MYO3A: variants seen among roughly 807,000 people sequenced by gnomAD.
The protein encoded by MYO3A is myosin IIIA, also known as myosin-IIIa.
Under a neutral mutation model 192.7 loss-of-function variants are expected in MYO3A, and 180 were observed. The ratio of observed to expected loss-of-function variants is 0.93; its 90% CI spans 0.83 to 1.06. The LOEUF (loss-of-function observed/expected upper bound fraction) is 1.06. Among genes scored for constraint, MYO3A ranks in the 50% least tolerant of loss-of-function variants. The probability of loss-of-function intolerance (pLI) is 0.00; values close to 1 mark genes in which losing one functional copy is unlikely to be tolerated. For missense variants in MYO3A, 1,896 were observed against 1,905.0 expected (o/e 1.00, Z 0.09); for synonymous variants, 628 against 645.3 (o/e 0.97, Z 0.41).
At chr10:26,148,822 T>C (rs909346793) in intron 23 of MYO3A, among the ~76,000 whole-genome samples, 3 of 152,200 alleles carry the variant, frequency 2.0e-5, no homozygotes, top group Non-Finnish European at 4.4e-5. Context: ...TTTTTGTATA[T>C]TGATTTTTTG....
intron 10 of MYO3A, among the ~76,000 whole-genome samples, chr10:26,029,573 A>G (rs1224502635): frequency 6.6e-6 from 1 of 152,196 alleles, no homozygotes; most frequent in Non-Finnish European, 1.5e-5. Flanking sequence ...GATATCTATT[A>G]TACATCAACA....
Position 26,212,000 on chromosome 10 carries a change from T to A in MYO3A, c.*37T>A, listed in dbSNP as rs1259656194. 1.2e-6 allele frequency: 2 copies of A among 1,603,266 alleles called. No individual in the cohort carries two copies. The highest frequency in any genetic ancestry group is 1.7e-6 in the Non-Finnish European group (2 of 1,172,500). On this transcript the variant is annotated 3_prime_UTR_variant, in exon 35 of 35. Transcript: ENST00000642920. ...GGCAGTCACCGCCGTCGGAAGGCGC[T>A]GGAGCCTGCGGGGCAGCAGGGGCCA...
At chr10:26,129,997 T>A (rs1303975058) in intron 20 of MYO3A, among the ~76,000 whole-genome samples, 1 of 152,206 alleles carries the variant, frequency 6.6e-6, no homozygotes, top group Non-Finnish European at 1.5e-5. Flanking sequence ...CATTGGTAGA[T>A]CTCTGTTGTT....
At chr10:26,072,383 T>C (rs1237910255) in intron 14 of MYO3A, among the ~76,000 whole-genome samples, 3 of 152,164 alleles carry the variant, frequency 2.0e-5, no homozygotes, top group Non-Finnish European at 4.4e-5. Context: ...GCCAAAGAAC[T>C]AGGCTTTAAT....
intron 4 of MYO3A, among the ~76,000 whole-genome samples, chr10:25,970,608 G>T (rs917469015): frequency 6.6e-6 from 1 of 151,694 alleles, no homozygotes; most frequent in Non-Finnish European, 1.5e-5. Context: ...AATCACTTTA[G>T]TAAAAAATAA....
At chr10:26,110,696 G>A (rs1838111130) in intron 17 of MYO3A, among the ~76,000 whole-genome samples, 2 of 152,138 alleles carry the variant, frequency 1.3e-5, no homozygotes, top group African/African-American at 4.8e-5. Context: ...AGGATAGAGT[G>A]TGCATACCCT....
intron 14 of MYO3A, among the ~76,000 whole-genome samples, chr10:26,078,524 C>A (rs1835736689): frequency 6.6e-6 from 1 of 151,770 alleles, no homozygotes; most frequent in Admixed American, 6.6e-5. Context: ...CTGCCCTGAT[C>A]TTGGTTATTT....
At chr10:26,105,525 G>A (rs1187782224) in intron 17 of MYO3A, among the ~76,000 whole-genome samples, 1 of 151,906 alleles carries the variant, frequency 6.6e-6, no homozygotes, top group Non-Finnish European at 1.5e-5. Context: ...ATTTATATAT[G>A]TTGCCCCTTT....
At chr10:26,047,319 G>A (rs1187902849) in intron 10 of MYO3A, among the ~76,000 whole-genome samples, 1 of 146,502 alleles carries the variant, frequency 6.8e-6, no homozygotes, top group African/African-American at 2.5e-5. Context: ...ATTGTAGAGA[G>A]AGAAAAAAAG....
At chr10:26,068,712 T>C (rs1030363619) in intron 11 of MYO3A, 56 bp from the exon 12 acceptor site, 4 of 1,166,474 alleles carry the variant, frequency 3.4e-6, no homozygotes, top group Non-Finnish European at 5.1e-6. Flanking sequence ...ACTTTTTAAA[T>C]TGTAGTTGAC....
At chr10:26,028,057 A>C (rs1366981768) in intron 10 of MYO3A, among the ~76,000 whole-genome samples, 1 of 152,212 alleles carries the variant, frequency 6.6e-6, no homozygotes, top group Non-Finnish European at 1.5e-5. Context: ...GACATTACTT[A>C]TTTGAATTCC....
chr10:25,946,877 C>CAAAA (rs34045169), intron 2 of MYO3A, among the ~76,000 whole-genome samples: 12 of 50,150 alleles, frequency 2.4e-4, no homozygotes, highest in African/African-American at 7.9e-4. Flanking sequence ...GACTCCGTCT[C>CAAAA]AAAAAAAAAA....
chr10:25,952,390 A>G (rs1837262914), intron 3 of MYO3A, 112 bp downstream of exon 3: 2 of 1,204,552 alleles, frequency 1.7e-6, no homozygotes, highest in Admixed American at 2.6e-5. Flanking sequence ...AAAACAGGTT[A>G]CAATTTGAAG....
At chr10:26,187,331 A>G (rs1589103198) in intron 31 of MYO3A, among the ~76,000 whole-genome samples, 3 of 152,202 alleles carry the variant, frequency 2.0e-5, no homozygotes, top group African/African-American at 4.8e-5. Context: ...ACAAAGTACC[A>G]TAGACTGAGT....
chr10:26,165,894 CA>C, intron 26 of MYO3A, 172 bp from the exon 27 acceptor site: 1 of 702,558 alleles, frequency 1.4e-6, no homozygotes, highest in East Asian at 2.5e-5. Flanking sequence ...GGGTTTCCAT[CA>C]GTTTGGAATT....
rs1837058446 is a variant in MYO3A, at chr10:26,096,646, T to A, written c.1740T>A (p.Ile580=). The change falls in exon 17 of 35, where the codon ATT becomes ATA. Residue 580 remains isoleucine, a synonymous_variant. Coordinates refer to ENST00000642920, the MANE Select transcript of MYO3A (RefSeq NM_017433.5). Reference sequence around the variant, plus strand: ...TCTATAAATCCCAGTATGAATTAATTGAGCAATGTTTCAAAGTCATAGGTT... The same window carrying A: ...TCTATAAATCCCAGTATGAATTAATAGAGCAATGTTTCAAAGTCATAGGTT... ...NSFYKSQYEL[I]EQCFKVIGFT... is the part of the protein sequence containing the mutation. The A allele has an allele frequency of 1.2e-6, 2 of 1,601,396 alleles. No individual in the cohort carries two copies. The highest frequency in any genetic ancestry group is 1.3e-5 in the African/African-American group (1 of 74,786).
chr10:25,942,061 G>A (rs189994773), intron 2 of MYO3A, among the ~76,000 whole-genome samples: 326 of 150,460 alleles, frequency 2.2e-3, no homozygotes, highest in African/African-American at 7.4e-3. Context: ...TAATGCAGTG[G>A]CATGAGTTCA....
intron 7 of MYO3A, 83 bp downstream of exon 7, chr10:26,016,979 C>A: frequency 1.5e-6 from 2 of 1,357,654 alleles, no homozygotes; most frequent in East Asian, 2.3e-5. Flanking sequence ...TCTCTGTAAG[C>A]ATTTTGGAAT....
chr10:25,984,052 C>T (rs1839497532), intron 4 of MYO3A, among the ~76,000 whole-genome samples: 1 of 152,148 alleles, frequency 6.6e-6, no homozygotes, highest in Non-Finnish European at 1.5e-5. Flanking sequence ...TCCAGACAAA[C>T]AAATACTGAG....
Sources: allele counts gnomAD v4.1 joint callset (sites outside exome capture counted in the v4.1 genomes callset), GRCh38; gene constraint gnomAD v4.1.1; transcripts MANE v1.5; gene names NCBI Gene and HGNC (gene_info 2026-07-23, HGNC 2026-07-21).